Variants in CDH2 observed in about 807,000 individuals in gnomAD.
CDH2 encodes the protein cadherin 2, also known as cadherin-2.
CDH2 carries 17 observed loss-of-function variants against 92.0 expected under a neutral mutation model. The ratio of observed to expected loss-of-function variants is 0.18; its 90% confidence interval spans 0.13 to 0.28. CDH2 has a LOEUF of 0.28. CDH2 is among the 10% of genes least tolerant of loss of function. The pLI, the probability that CDH2 is intolerant of heterozygous loss-of-function variation, is 1.00. For missense variants in CDH2, 862 were observed against 1,133.1 expected, an observed-to-expected ratio of 0.76 and a Z score of 3.44; for synonymous variants, 419 against 415.9, an observed-to-expected ratio of 1.01 and a Z score of -0.09.
downstream of CDH2, among the ~76,000 whole-genome samples, chr18:27,946,800 G>A (rs1383938098): frequency 2.6e-5 from 4 of 151,814 alleles, no homozygotes; most frequent in East Asian, 5.8e-4. Context: ...TGACCAAGTA[G>A]GTTTATTCCA....
chr18:28,039,460 G>A (rs2013905821), intron 2 of CDH2, among the ~76,000 whole-genome samples: 1 of 152,138 alleles, frequency 6.6e-6, no homozygotes, highest in Admixed American at 6.5e-5. Flanking sequence ...AGGCTGAGTA[G>A]GCAGCAACTC....
intron 1 of CDH2, among the ~76,000 whole-genome samples, chr18:28,150,268 C>T (rs1184231480): frequency 6.6e-6 from 1 of 152,212 alleles, no homozygotes; most frequent in Non-Finnish European, 1.5e-5. Flanking sequence ...CGATGGAAGG[C>T]ACGGAGCAGA....
intron 1 of CDH2, among the ~76,000 whole-genome samples, chr18:28,152,775 A>AGT (rs1378399784): frequency 3.3e-5 from 5 of 152,082 alleles, no homozygotes; most frequent in Admixed American, 3.3e-4. Context: ...TTTGTGGGAA[A>AGT]GTGTGTGTGT....
intron 2 of CDH2, among the ~76,000 whole-genome samples, chr18:28,089,919 G>A (rs1279042949): frequency 1.3e-5 from 2 of 152,142 alleles, no homozygotes; most frequent in African/African-American, 4.8e-5. Context: ...ATATTCACCT[G>A]ACAGAATCTT....
chr18:28,061,483 A>G (rs1157815886), intron 2 of CDH2, among the ~76,000 whole-genome samples: 1 of 152,120 alleles, frequency 6.6e-6, no homozygotes, highest in Non-Finnish European at 1.5e-5. Flanking sequence ...TCTTTACTAA[A>G]GAAATACAAA....
intron 2 of CDH2, among the ~76,000 whole-genome samples, chr18:28,053,657 G>T (rs976406531): frequency 2.0e-5 from 3 of 152,128 alleles, no homozygotes; most frequent in Non-Finnish European, 4.4e-5. Flanking sequence ...GTCTGAACAG[G>T]CTGCAGCCCC....
At chr18:27,935,725 G>A (rs1909002548) in intron 6 of CDH2, among the ~76,000 whole-genome samples, 1 of 152,058 alleles carries the variant, frequency 6.6e-6, no homozygotes, top group Non-Finnish European at 1.5e-5. Context: ...TTATAGACTT[G>A]TGCTTAGCAT....
At chr18:28,164,504 T>C (rs1289796433) in intron 1 of CDH2, among the ~76,000 whole-genome samples, 1 of 152,166 alleles carries the variant, frequency 6.6e-6, no homozygotes, top group Non-Finnish European at 1.5e-5. Context: ...ATGAGAACAA[T>C]GAATCCACCT....
At chr18:28,001,833 C>A (rs2144006330) in intron 7 of CDH2, among the ~76,000 whole-genome samples, 1 of 152,306 alleles carries the variant, frequency 6.6e-6, no homozygotes, top group East Asian at 1.9e-4. Flanking sequence ...GTAATGTTTT[C>A]TTCTATTCAA....
chr18:28,050,024 C>T lies in CDH2; in HGVS notation c.173-36115G>A, dbSNP rs139561335. On this transcript the variant is annotated intron_variant, in intron 2 of 15. Transcript: ENST00000269141. ...AAAAGAACATGTTCTGCCTACCCAC[C>T]AAATTAAGGATGAAGGCATGTGGAG... is the stretch of plus-strand genomic sequence containing the variant. 8.7e-4 allele frequency among the ~76,000 whole-genome samples: 133 copies of T among 152,224 alleles called. 1 individual carries two copies. Among genetic ancestry groups the T allele is most frequent in the African/African-American group, 3.1e-3 (130 of 41,528 alleles).
chr18:28,051,407 G>A (rs2014187908), intron 2 of CDH2, among the ~76,000 whole-genome samples: 1 of 152,136 alleles, frequency 6.6e-6, no homozygotes, highest in Admixed American at 6.5e-5. Context: ...TAATAGGATG[G>A]TGTTATCTCT....
At chr18:28,058,729 A>C (rs192302687) in intron 2 of CDH2, among the ~76,000 whole-genome samples, 15 of 151,072 alleles carry the variant, frequency 9.9e-5, no homozygotes. Context: ...CAACATCCCT[A>C]ATCCGACTGT....
At chr18:28,129,951 C>T (rs12953509) in intron 2 of CDH2, among the ~76,000 whole-genome samples, 34,974 of 152,132 alleles carry the variant, frequency 0.23, 4,532 homozygotes, top group Non-Finnish European at 0.3. Context: ...CAAAGCAGAA[C>T]TGTTGCAATA....
intron 14 of CDH2, among the ~76,000 whole-genome samples, chr18:27,976,076 A>G (rs1167825677): frequency 6.6e-6 from 1 of 152,184 alleles, no homozygotes; most frequent in Non-Finnish European, 1.5e-5. Flanking sequence ...GTAAAAAGAC[A>G]TTATTCAGAA....
intron 2 of CDH2, among the ~76,000 whole-genome samples, chr18:28,028,047 C>T (rs368391499): frequency 6.6e-6 from 1 of 151,790 alleles, no homozygotes; most frequent in Non-Finnish European, 1.5e-5. Context: ...AATCTAATTC[C>T]TAATTTTTAA....
At chr18:28,028,814 T>G (rs1014755583) in intron 2 of CDH2, among the ~76,000 whole-genome samples, 1 of 152,126 alleles carries the variant, frequency 6.6e-6, no homozygotes, top group East Asian at 1.9e-4. Context: ...GGCAACCTGA[T>G]GTGTATTAAG....
chr18:27,936,036 G>GT (rs1353946442), intron 6 of CDH2, among the ~76,000 whole-genome samples: 3 of 152,104 alleles, frequency 2.0e-5, no homozygotes, highest in African/African-American at 7.2e-5. Flanking sequence ...AGATCATCAA[G>GT]GGAAGTCCAG....
At chr18:27,933,694 T>C (rs1908956324) in intron 6 of CDH2, among the ~76,000 whole-genome samples, 1 of 152,242 alleles carries the variant, frequency 6.6e-6, no homozygotes, top group Non-Finnish European at 1.5e-5. Context: ...CCGTTTCGGA[T>C]GCCCGAAGTC....
intron 11 of CDH2, 93 bp from the exon 12 acceptor site, chr18:27,985,854 C>T: frequency 1.3e-6 from 1 of 748,098 alleles, no homozygotes; most frequent in South Asian, 1.8e-5. Context: ...AACCTTCTGG[C>T]CCTTTTAACT....
Sources: gnomAD v4.1 joint callset for allele counts (sites outside exome capture counted in the v4.1 genomes callset) on GRCh38, gnomAD v4.1.1 for gene constraint, MANE v1.5 for transcripts, NCBI Gene and HGNC (gene_info 2026-07-23, HGNC 2026-07-21) for gene names.